The following NECTIN3 variants were observed in gnomAD, a reference collection of about 807,000 sequenced individuals.
The protein encoded by NECTIN3 is nectin-3.
A neutral mutation model predicts 49.4 loss-of-function variants in NECTIN3; 8 were observed. The observed-to-expected ratio is 0.16, with a 90% CI of 0.10 to 0.29. The LOEUF (loss-of-function observed/expected upper bound fraction) is 0.29, where lower values mean the gene tolerates loss of function less well. Ranked by LOEUF, NECTIN3 falls within the 10% of genes least tolerant of loss-of-function variation. NECTIN3 has a pLI of 1.00. For synonymous variants in NECTIN3, 277 were observed against 241.1 expected (o/e 1.15, Z -1.38); for missense variants, 581 against 654.6 (o/e 0.89, Z 1.23).
chr3:111,138,011 T>C (rs1026420927), downstream of NECTIN3, among the ~76,000 whole-genome samples: 1 of 151,640 alleles, frequency 6.6e-6, no homozygotes, highest in African/African-American at 2.4e-5. Context: ...TAGCCCTAGC[T>C]GTTAAAACCC....
chr3:111,110,858 G>A (rs2033427490), intron 1 of NECTIN3, among the ~76,000 whole-genome samples: 1 of 151,738 alleles, frequency 6.6e-6, no homozygotes, highest in Admixed American at 6.6e-5. Flanking sequence ...TTACTTTTTT[G>A]TTTTTGTTTA....
At chr3:111,192,316 T>C (rs189999436), upstream of NECTIN3, 21 of 1,515,318 alleles carry the variant, frequency 1.4e-5, no homozygotes, top group Non-Finnish European at 1.9e-5. Flanking sequence ...TTGCCATGTG[T>C]TTTACAGTGC....
At chr3:111,165,677 A>C (rs984571994) in intron 7 of NECTIN3, among the ~76,000 whole-genome samples, 4 of 152,202 alleles carry the variant, frequency 2.6e-5, no homozygotes, top group Non-Finnish European at 4.4e-5. Context: ...TGTAAAACTT[A>C]AAAAGCCGTC....
At chr3:111,078,867 A>G (rs1033067612) in intron 1 of NECTIN3, among the ~76,000 whole-genome samples, 1 of 152,146 alleles carries the variant, frequency 6.6e-6, no homozygotes, top group African/African-American at 2.4e-5. Context: ...TCAGCTGTAT[A>G]TTATTTACCT....
chr3:111,169,079 CTTTTTTTTTTT>C (rs142606359), intron 7 of NECTIN3, among the ~76,000 whole-genome samples: 2 of 104,106 alleles, frequency 1.9e-5, no homozygotes, highest in South Asian at 3.0e-4. Flanking sequence ...ACTATTCAAA[CTTTTTTTTTTT>C]TTTTTTTTTT....
At chr3:111,128,930 CCTTCCATGGG>C in intron 5 of NECTIN3, among the ~76,000 whole-genome samples, 1 of 152,304 alleles carries the variant, frequency 6.6e-6, no homozygotes, top group Middle Eastern at 3.4e-3. Flanking sequence ...CTCCTCAAAA[CCTTCCATGGG>C]CTTCCCATTT....
chr3:111,088,029 A>G (rs1040518725), intron 1 of NECTIN3, among the ~76,000 whole-genome samples: 5 of 152,070 alleles, frequency 3.3e-5, no homozygotes, highest in East Asian at 1.9e-4. Context: ...TAGGGAGGTA[A>G]TATAGTTGGA....
At chr3:111,087,686 A>G (rs2032014851) in intron 1 of NECTIN3, among the ~76,000 whole-genome samples, 1 of 151,842 alleles carries the variant, frequency 6.6e-6, no homozygotes, top group South Asian at 2.1e-4. Context: ...GCCTTTTAAA[A>G]ATTTAATTTT....
At chr3:111,089,261 A>T (rs918927425) in intron 1 of NECTIN3, among the ~76,000 whole-genome samples, 1 of 151,636 alleles carries the variant, frequency 6.6e-6, no homozygotes, top group Non-Finnish European at 1.5e-5. Flanking sequence ...TTCATTGTTG[A>T]TTCTATTTTA....
intron 6 of NECTIN3, among the ~76,000 whole-genome samples, chr3:111,146,428 C>A (rs1324137201): frequency 7.3e-6 from 1 of 136,924 alleles, no homozygotes; most frequent in Non-Finnish European, 1.5e-5. Flanking sequence ...AGCGAGACTC[C>A]GTCTCAAAAA....
chr3:111,100,941 C>T (rs992495483), intron 1 of NECTIN3, among the ~76,000 whole-genome samples: 1 of 152,036 alleles, frequency 6.6e-6, no homozygotes, highest in African/African-American at 2.4e-5. Flanking sequence ...ACTAGTAGCT[C>T]TTATAGATTT....
intron 7 of NECTIN3, among the ~76,000 whole-genome samples, chr3:111,166,346 A>G (rs750975551): frequency 2.0e-5 from 3 of 150,150 alleles, no homozygotes; most frequent in Admixed American, 6.6e-5. Context: ...CCAGTGAACA[A>G]TGTTATGTCC....
intron 1 of NECTIN3, chr3:111,077,193 C>A: frequency 2.3e-6 from 1 of 440,430 alleles, no homozygotes; most frequent in Non-Finnish European, 4.6e-6. Context: ...AGTATGGCAT[C>A]CAGGAGATTG....
At chr3:111,144,459 G>C (rs2034826395) in intron 5 of NECTIN3, among the ~76,000 whole-genome samples, 1 of 151,676 alleles carries the variant, frequency 6.6e-6, no homozygotes, top group African/African-American at 2.4e-5. Context: ...TTTTGCACTT[G>C]AAGTTTTTCA....
chr3:111,091,289 T>C (rs1236546874), intron 1 of NECTIN3, among the ~76,000 whole-genome samples: 1 of 152,194 alleles, frequency 6.6e-6, no homozygotes, highest in Non-Finnish European at 1.5e-5. Flanking sequence ...GGAGTCTTGC[T>C]TTGTCGCCCA....
chr3:111,140,002 A>G (rs1007133777), downstream of NECTIN3, among the ~76,000 whole-genome samples: 1 of 151,832 alleles, frequency 6.6e-6, no homozygotes, highest in Admixed American at 6.6e-5. Context: ...AATGTTCTTC[A>G]TGCATTTTTT....
chr3:111,091,980 C>T (rs2032297194), intron 1 of NECTIN3, among the ~76,000 whole-genome samples: 1 of 152,172 alleles, frequency 6.6e-6, no homozygotes. Context: ...TAATTGTAAC[C>T]ATCACAAGTG....
chr3:111,119,499 T>A (rs747837427), intron 3 of NECTIN3, among the ~76,000 whole-genome samples: 17 of 152,120 alleles, frequency 1.1e-4, no homozygotes, highest in Non-Finnish European at 2.1e-4. Context: ...GCCCTGCTAA[T>A]TTTTGTATTT....
chr3:111,173,857 G>GT (rs1244275382), intron 7 of NECTIN3, among the ~76,000 whole-genome samples: 1 of 151,744 alleles, frequency 6.6e-6, no homozygotes, highest in Non-Finnish European at 1.5e-5. Flanking sequence ...GTCCATTGGT[G>GT]TTTTTTGCAT....
Sources: gnomAD v4.1 joint callset for allele counts (sites outside exome capture counted in the v4.1 genomes callset) on GRCh38, gnomAD v4.1.1 for gene constraint, MANE v1.5 for transcripts, NCBI Gene and HGNC (gene_info 2026-07-23, HGNC 2026-07-21) for gene names.